The following FSTL4 variants were observed in gnomAD, a reference collection of about 807,000 sequenced individuals.
FSTL4 encodes the protein follistatin like 4, also known as follistatin-related protein 4.
In FSTL4, 28 loss-of-function variants were observed where a neutral mutation model predicts 78.2. The ratio of observed to expected loss-of-function variants is 0.36; its 90% CI spans 0.27 to 0.49. The LOEUF (loss-of-function observed/expected upper bound fraction) is 0.49. FSTL4 is among the 20% of genes least tolerant of loss of function. FSTL4 has a pLI of 0.98. For synonymous variants in FSTL4, 422 were observed against 440.5 expected, an observed-to-expected ratio of 0.96 and a Z score of 0.53; for missense variants, 922 against 1,084.9, an observed-to-expected ratio of 0.85 and a Z score of 2.11.
At chr5:133,331,818 G>A (rs933788430) in intron 4 of FSTL4, among the ~76,000 whole-genome samples, 4 of 152,136 alleles carry the variant, frequency 2.6e-5, no homozygotes, top group Admixed American at 2.0e-4. Flanking sequence ...TATTTCCAGG[G>A]CTTGAGCCTC....
At chr5:133,461,593 C>A (rs1757593641) in intron 3 of FSTL4, among the ~76,000 whole-genome samples, 2 of 152,120 alleles carry the variant, frequency 1.3e-5, no homozygotes, top group African/African-American at 4.8e-5. Context: ...CAAAGAAATT[C>A]TACGGAAGTT....
At chr5:133,515,502 A>G (rs1442733222) in intron 3 of FSTL4, among the ~76,000 whole-genome samples, 1 of 152,188 alleles carries the variant, frequency 6.6e-6, no homozygotes, top group Non-Finnish European at 1.5e-5. Context: ...TAAAATAACA[A>G]CAGTTTATAG....
intron 3 of FSTL4, among the ~76,000 whole-genome samples, chr5:133,554,874 C>A (rs909144848): frequency 1.3e-5 from 2 of 152,200 alleles, no homozygotes; most frequent in African/African-American, 4.8e-5. Context: ...GCTAGATTCA[C>A]CCAAGCACCC....
the FSTL4 span, among the ~76,000 whole-genome samples, chr5:133,776,913 C>T: frequency 6.6e-6 from 1 of 152,160 alleles, no homozygotes; most frequent in Non-Finnish European, 1.5e-5. Context: ...GGCTTACCCA[C>T]CTCTGGCTTG....
chr5:133,682,994 A>T, the FSTL4 span, among the ~76,000 whole-genome samples: 1 of 152,224 alleles, frequency 6.6e-6, no homozygotes, highest in Admixed American at 6.5e-5. Flanking sequence ...TAATATCAAG[A>T]TATCTTTGGA....
intron 6 of FSTL4, among the ~76,000 whole-genome samples, chr5:133,250,516 A>G (rs1403035090): frequency 1.3e-5 from 2 of 152,186 alleles, no homozygotes; most frequent in Admixed American, 1.3e-4. Flanking sequence ...TCTATTCCCT[A>G]TTCATGCTTA....
Position 133,217,324 on chromosome 5 carries a change from A to T in FSTL4, c.1513T>A (p.Ser505Thr), listed in dbSNP as rs771317446. 3.8e-5 allele frequency: 61 copies of T among 1,614,068 alleles called. No homozygotes were observed. Among genetic ancestry groups the T allele is most frequent in the Non-Finnish European group, 5.0e-5 (59 of 1,179,914 alleles). Residue 505 changes from serine (S) to threonine (T), a missense_variant, in exon 13 of 16, where the codon TCT (serine) becomes ACT (threonine). Transcript: ENST00000265342. ...KNATQPCQWV[S>T]AVNVRNRYIY... The stretch of plus-strand genomic sequence containing the variant: ...TACCGGTTCCGGACATTGACTGCAG[A>T]TACCCACTGGCAGGGCTGGGTTGCA...
chr5:133,576,134 A>G (rs1207276470), intron 2 of FSTL4, among the ~76,000 whole-genome samples: 1 of 152,250 alleles, frequency 6.6e-6, no homozygotes, highest in African/African-American at 2.4e-5. Flanking sequence ...AATATTTTTC[A>G]TAATCCAAAA....
chr5:133,606,983 C>T (rs1046122247), intron 1 of FSTL4, among the ~76,000 whole-genome samples: 2 of 152,176 alleles, frequency 1.3e-5, no homozygotes, highest in Non-Finnish European at 2.9e-5. Flanking sequence ...AGATCCAAGC[C>T]TGGAGCTTGG....
intron 3 of FSTL4, among the ~76,000 whole-genome samples, chr5:133,497,103 C>A (rs917466585): frequency 3.9e-5 from 6 of 152,240 alleles, no homozygotes; most frequent in Non-Finnish European, 2.9e-5. Context: ...ATCTCTTCCC[C>A]TGGGCCCATC....
the FSTL4 span, among the ~76,000 whole-genome samples, chr5:133,731,534 G>A: frequency 1.3e-5 from 2 of 152,264 alleles, no homozygotes; most frequent in African/African-American, 4.8e-5. Context: ...GTGGGAGGGA[G>A]GCTTCTTAGA....
chr5:133,230,535 T>C (rs2126800314), intron 8 of FSTL4, among the ~76,000 whole-genome samples: 1 of 152,312 alleles, frequency 6.6e-6, no homozygotes, highest in African/African-American at 2.4e-5. Context: ...ATGGCTCACA[T>C]GTGCTTAGAG....
intron 3 of FSTL4, among the ~76,000 whole-genome samples, chr5:133,436,252 T>G (rs912195415): frequency 6.6e-6 from 1 of 152,086 alleles, no homozygotes; most frequent in Non-Finnish European, 1.5e-5. Context: ...ACAATTTAGT[T>G]TGGTGGAATT....
intron 3 of FSTL4, among the ~76,000 whole-genome samples, chr5:133,547,474 G>A (rs1235014009): frequency 6.6e-6 from 1 of 152,212 alleles, no homozygotes; most frequent in East Asian, 1.9e-4. Context: ...TATGGTTTCA[G>A]TGTGTCCCCC....
At chr5:133,466,309 G>A (rs967752188) in intron 3 of FSTL4, among the ~76,000 whole-genome samples, 2 of 152,200 alleles carry the variant, frequency 1.3e-5, no homozygotes, top group Non-Finnish European at 2.9e-5. Context: ...TTGGGAGGCC[G>A]AGGCGGGCAG....
At position 133,541,278 on chromosome 5, in the gene FSTL4, G is replaced by A. The variant is rs541433637; in HGVS notation, c.160+25908C>T. Among the ~76,000 whole-genome samples the A allele has an allele frequency of 1.6e-4, 24 of 152,350 alleles. 1 individual carries two copies. The highest frequency in any genetic ancestry group is 1.6e-3 in the Admixed American group (24 of 15,294). ...TTGTTGTCAGATGGTAGCTGAAGCTGTTGGGGGCTGATGTGGCATTCTTCT... is the reference window on the plus strand; with the variant it reads ...TTGTTGTCAGATGGTAGCTGAAGCTATTGGGGGCTGATGTGGCATTCTTCT... On this transcript the variant is annotated intron_variant, in intron 3 of 15. Coordinates refer to ENST00000265342, the MANE Select transcript of FSTL4 (RefSeq NM_015082.2).
intron 3 of FSTL4, among the ~76,000 whole-genome samples, chr5:133,420,102 C>G (rs1756661841): frequency 6.6e-6 from 1 of 152,132 alleles, no homozygotes; most frequent in Non-Finnish European, 1.5e-5. Context: ...ATTTTCCCAG[C>G]TACATGGATA....
chr5:133,592,897 T>C (rs1760661606), intron 2 of FSTL4, among the ~76,000 whole-genome samples: 1 of 152,158 alleles, frequency 6.6e-6, no homozygotes, highest in Non-Finnish European at 1.5e-5. Flanking sequence ...AAACTTACTT[T>C]CTTTATAAAT....
chr5:133,651,173 A>T, the FSTL4 span, among the ~76,000 whole-genome samples: 1 of 152,228 alleles, frequency 6.6e-6, no homozygotes, highest in Middle Eastern at 3.4e-3. Context: ...TGATCATGTC[A>T]TCTGCACACA....
Sources: gnomAD v4.1 joint callset for allele counts (sites outside exome capture counted in the v4.1 genomes callset) on GRCh38, gnomAD v4.1.1 for gene constraint, MANE v1.5 for transcripts, NCBI Gene and HGNC (gene_info 2026-07-23, HGNC 2026-07-21) for gene names.